ZNF521: variants seen among roughly 807,000 people sequenced by gnomAD.
ZNF521 encodes the protein zinc finger protein 521, also known as LYST-interacting protein 3.
A neutral mutation model predicts 105.5 loss-of-function variants in ZNF521; 14 were observed. That is an observed-to-expected ratio of 0.13 (90% confidence interval 0.09 to 0.21). ZNF521 has a LOEUF of 0.21. Among genes scored for constraint, ZNF521 ranks in the 10% least tolerant of loss-of-function variants. The pLI is 1.00. For missense variants in ZNF521, 1,233 were observed against 1,629.7 expected (o/e 0.76, Z 4.19); for synonymous variants, 635 against 606.0 (o/e 1.05, Z -0.70).
intron 7 of ZNF521, among the ~76,000 whole-genome samples, chr18:25,063,576 T>A (rs2032968568): frequency 6.6e-6 from 1 of 152,120 alleles, no homozygotes; most frequent in Non-Finnish European, 1.5e-5. Flanking sequence ...GCCCTGAGGG[T>A]GGACGCCGGG....
At chr18:25,275,693 G>C (rs1360641497) in intron 3 of ZNF521, among the ~76,000 whole-genome samples, 1 of 152,128 alleles carries the variant, frequency 6.6e-6, no homozygotes, top group Non-Finnish European at 1.5e-5. Context: ...CTGCACTGGG[G>C]CCAATGGGCT....
chr18:25,321,952 A>T (rs1006524586), intron 3 of ZNF521, 56 bp downstream of exon 3: 2 of 1,506,132 alleles, frequency 1.3e-6, no homozygotes, highest in African/African-American at 1.4e-5. Context: ...GAACAAACTG[A>T]AAAAATCAGA....
At chr18:25,277,974 C>A (rs1465073478) in intron 3 of ZNF521, among the ~76,000 whole-genome samples, 3 of 152,238 alleles carry the variant, frequency 2.0e-5, no homozygotes, top group South Asian at 2.1e-4. Flanking sequence ...CCATCATATC[C>A]AAATTTTGTG....
intron 2 of ZNF521, among the ~76,000 whole-genome samples, chr18:25,343,217 C>T (rs752100679): frequency 6.6e-6 from 1 of 152,002 alleles, no homozygotes; most frequent in Non-Finnish European, 1.5e-5. Context: ...TGAGAAAAAG[C>T]CAATCATAAG....
chr18:25,339,090 G>C (rs1322557657), intron 2 of ZNF521, among the ~76,000 whole-genome samples: 1 of 152,220 alleles, frequency 6.6e-6, no homozygotes, highest in East Asian at 1.9e-4. Flanking sequence ...TTGCACAGAA[G>C]TGAGCCATGT....
At chr18:25,305,292 T>C (rs547870680) in intron 3 of ZNF521, among the ~76,000 whole-genome samples, 1 of 152,326 alleles carries the variant, frequency 6.6e-6, no homozygotes, top group South Asian at 2.1e-4. Context: ...TTTTCTAATT[T>C]TTGAGCTAAT....
chr18:25,226,433 G>A lies in ZNF521; in HGVS notation c.1485C>T (p.His495=). The part of the protein sequence containing the change: ...VVNDLNTLQE[H]IRCSHGFANP... ...TTGCAAATCCATGAGAACATCGGAT[G>A]TGTTCCTGAAGAGTGTTGAGGTCGT... is the stretch of plus-strand genomic sequence containing the variant. Residue 495 remains histidine (H), a synonymous_variant, in exon 4 of 8, where the codon CAC becomes CAT. Coordinates refer to ENST00000361524, the MANE Select transcript of ZNF521 (RefSeq NM_015461.3). This position sits in a 1 kb window ranked among gnomAD's most constrained non-coding sequence, Gnocchi z 4.1. 2.5e-6 allele frequency: 4 copies of A among 1,614,208 alleles called. No homozygotes were observed. The highest frequency in any genetic ancestry group is 3.4e-6 in the Non-Finnish European group (4 of 1,180,032).
chr18:25,228,324 T>C (rs1294272630), intron 3 of ZNF521, among the ~76,000 whole-genome samples: 1 of 152,236 alleles, frequency 6.6e-6, no homozygotes, highest in Non-Finnish European at 1.5e-5. Context: ...AATAATTATG[T>C]CTTGTGTAAT....
chr18:25,151,023 G>T (rs780016844), intron 5 of ZNF521, among the ~76,000 whole-genome samples: 80 of 151,818 alleles, frequency 5.3e-4, no homozygotes, highest in Non-Finnish European at 1.0e-3. Context: ...GAGTAGCTGG[G>T]AAGTGATCCT....
chr18:25,319,577 C>CA (rs1262034962), intron 3 of ZNF521, among the ~76,000 whole-genome samples: 50 of 143,978 alleles, frequency 3.5e-4, no homozygotes, highest in African/African-American at 1.3e-3. Context: ...GCCTGGGCAA[C>CA]AGAGCAAGAC....
At chr18:25,279,340 T>C (rs1910222548) in intron 3 of ZNF521, among the ~76,000 whole-genome samples, 1 of 152,236 alleles carries the variant, frequency 6.6e-6, no homozygotes, top group Non-Finnish European at 1.5e-5. Context: ...CTTTGGCCCA[T>C]GACCAATACT....
rs34772670 is a variant in ZNF521 at position 25,079,601 on chromosome 18, AAGAG to A, written c.3906+9860_3906+9863del. On this transcript the variant is annotated intron_variant, in intron 7 of 7. Transcript: ENST00000361524. Reference sequence around the variant, plus strand: ...ACACCAAGAGATCTCAGGAAAAAGTAAGAGAGAGAGAGAGAGAGAGAGAGAGAGT... The same window carrying A: ...ACACCAAGAGATCTCAGGAAAAAGTAAGAGAGAGAGAGAGAGAGAGAGAGT... Among the ~76,000 whole-genome samples, 345 of 148,132 alleles carry A rather than the reference AAGAG, an allele frequency of 2.3e-3. 5 individuals are homozygous for A. Among genetic ancestry groups the A allele is most frequent in the Admixed American group, 0.015 (228 of 14,876 alleles).
chr18:25,171,866 T>C (rs2035454693), intron 5 of ZNF521, among the ~76,000 whole-genome samples: 1 of 152,140 alleles, frequency 6.6e-6, no homozygotes, highest in Non-Finnish European at 1.5e-5. Flanking sequence ...TAGATTTTAA[T>C]GGAATTTACT....
At chr18:25,101,849 C>G (rs899903866) in intron 5 of ZNF521, among the ~76,000 whole-genome samples, 1 of 152,110 alleles carries the variant, frequency 6.6e-6, no homozygotes, top group African/African-American at 2.4e-5. Context: ...GTAGCTCCAA[C>G]AGCAATAATG....
intron 5 of ZNF521, among the ~76,000 whole-genome samples, chr18:25,190,797 GACATCAGTGATATATATCATGTGTA>G (rs2035805537): frequency 6.6e-6 from 1 of 152,162 alleles, no homozygotes; most frequent in African/African-American, 2.4e-5. Flanking sequence ...TTTATGCCTT[GACATCAGTGATATATATCATGTGTA>G]ACACAACACA....
At chr18:25,155,343 A>G (rs2035124054) in intron 5 of ZNF521, among the ~76,000 whole-genome samples, 1 of 152,046 alleles carries the variant, frequency 6.6e-6, no homozygotes, top group African/African-American at 2.4e-5. Flanking sequence ...TTTTTTCCCA[A>G]TCTAGCAATT....
intron 5 of ZNF521, among the ~76,000 whole-genome samples, chr18:25,132,708 G>A (rs999983066): frequency 6.6e-6 from 1 of 152,130 alleles, no homozygotes; most frequent in Non-Finnish European, 1.5e-5. Flanking sequence ...TATTCCTGGA[G>A]CTATTTGATT....
At chr18:25,116,695 G>GAAT (rs915520460) in intron 5 of ZNF521, among the ~76,000 whole-genome samples, 8 of 151,624 alleles carry the variant, frequency 5.3e-5, no homozygotes, top group Non-Finnish European at 1.2e-4. Context: ...ATGAAGAAGG[G>GAAT]AATAACACAA....
At chr18:25,309,742 G>T (rs1446023466) in intron 3 of ZNF521, among the ~76,000 whole-genome samples, 1 of 152,076 alleles carries the variant, frequency 6.6e-6, no homozygotes, top group African/African-American at 2.4e-5. Context: ...TCAAGAGTCT[G>T]TCAACCTGAT....
Sources: gnomAD v4.1 joint callset for allele counts (sites outside exome capture counted in the v4.1 genomes callset) on GRCh38, gnomAD v4.1.1 for gene constraint, Gnocchi (gnomAD v3.1) non-coding constraint, MANE v1.5 for transcripts, NCBI Gene and HGNC (gene_info 2026-07-23, HGNC 2026-07-21) for gene names.